FAF1: variants seen among roughly 807,000 people sequenced by gnomAD.
The protein encoded by FAF1 is Fas associated factor 1.
A neutral mutation model predicts 92.5 loss-of-function variants in FAF1; 25 were observed. The observed-to-expected ratio is 0.27, with a 90% CI of 0.20 to 0.38. The LOEUF (loss-of-function observed/expected upper bound fraction) is 0.38, where lower values mean the gene tolerates loss of function less well. Ranked by LOEUF, FAF1 falls within the 10% of genes least tolerant of loss-of-function variation. The pLI, the probability that FAF1 is intolerant of heterozygous loss-of-function variation, is 1.00. For synonymous variants in FAF1, 234 were observed against 273.2 expected (o/e 0.86, Z 1.42); for missense variants, 636 against 793.3 (o/e 0.80, Z 2.38).
intron 2 of FAF1, among the ~76,000 whole-genome samples, chr1:50,832,820 T>C (rs1377570259): frequency 1.3e-5 from 2 of 152,160 alleles, no homozygotes; most frequent in Non-Finnish European, 2.9e-5. Context: ...ATGTCTCTAG[T>C]TATAAAGTTC....
chr1:50,833,266 C>A (rs932206630), intron 2 of FAF1, among the ~76,000 whole-genome samples: 7 of 152,114 alleles, frequency 4.6e-5, no homozygotes, highest in Non-Finnish European at 1.0e-4. Context: ...ACAACCCCCT[C>A]CTGAGGTCTG....
intron 1 of FAF1, among the ~76,000 whole-genome samples, chr1:50,901,553 A>G (rs1022245823): frequency 6.6e-6 from 1 of 151,644 alleles, no homozygotes; most frequent in Non-Finnish European, 1.5e-5. Context: ...TTAAAAATTT[A>G]AAAAGAAAAA....
intron 2 of FAF1, among the ~76,000 whole-genome samples, chr1:50,833,589 C>A (rs945803206): frequency 2.6e-5 from 4 of 152,164 alleles, no homozygotes; most frequent in Admixed American, 2.6e-4. Flanking sequence ...TCTCTATCCC[C>A]TGTCCTCTCC....
chr1:50,914,305 A>C (rs1200751237), intron 1 of FAF1, among the ~76,000 whole-genome samples: 2 of 152,258 alleles, frequency 1.3e-5, no homozygotes, highest in Admixed American at 6.5e-5. Context: ...TACCAAAGGC[A>C]TGTAAATAAG....
chr1:50,954,791 C>T (rs2124766769), intron 1 of FAF1, among the ~76,000 whole-genome samples: 1 of 152,188 alleles, frequency 6.6e-6, no homozygotes, highest in Non-Finnish European at 1.5e-5. Context: ...GATCCGCCTG[C>T]CTCGGCCTCC....
Position 50,797,879 on chromosome 1 carries a change from T to C in FAF1, c.161+3752A>G, listed in dbSNP as rs1661822014. ...AAAAATAACACCGATTTGGAAGCTCTATGTAGAAATCTATTTTAGTTCTAA... is the reference window on the plus strand; with the variant it reads ...AAAAATAACACCGATTTGGAAGCTCCATGTAGAAATCTATTTTAGTTCTAA... On this transcript the variant is annotated intron_variant, in intron 3 of 18. Transcript: ENST00000396153. Among the ~76,000 whole-genome samples the C allele has an allele frequency of 2.6e-5, 4 of 152,156 alleles. No individual in the cohort carries two copies. In the South Asian group the frequency reaches 8.3e-4, roughly 32 times the overall value.
intron 2 of FAF1, chr1:50,846,476 G>A (rs1021399161): frequency 2.1e-5 from 10 of 475,306 alleles, no homozygotes; most frequent in Non-Finnish European, 2.9e-5. Flanking sequence ...GGCATGCCCC[G>A]CTATAAGCTG....
At chr1:50,781,302 A>G (rs533517842) in intron 4 of FAF1, among the ~76,000 whole-genome samples, 4 of 151,460 alleles carry the variant, frequency 2.6e-5, no homozygotes, top group African/African-American at 9.8e-5. Flanking sequence ...TCACTTCAAA[A>G]AGAAAAAAAA....
intron 1 of FAF1, among the ~76,000 whole-genome samples, chr1:50,923,229 G>T (rs1644979571): frequency 6.6e-6 from 1 of 151,994 alleles, no homozygotes; most frequent in African/African-American, 2.4e-5. Context: ...GACCGGCCTG[G>T]GCAATATAGA....
At position 50,554,538 on chromosome 1, in the gene FAF1, C is replaced by T. The variant is rs928999528; in HGVS notation, c.1268+12539G>A. 3.3e-5 allele frequency among the ~76,000 whole-genome samples: 5 copies of T among 151,966 alleles called. No homozygotes were observed. The South Asian group carries it at 1.0e-3, about 32-fold the overall frequency. ...TAAAAAGCCGTACTATAGTCTTGCT[C>T]TTAGCTACTAATATACTTTTAACAG... is the stretch of plus-strand genomic sequence containing the variant. On this transcript the variant is annotated intron_variant, in intron 13 of 18. Coordinates refer to ENST00000396153, the MANE Select transcript of FAF1 (RefSeq NM_007051.3).
chr1:50,949,065 C>A (rs1645193795), intron 1 of FAF1, among the ~76,000 whole-genome samples: 1 of 152,144 alleles, frequency 6.6e-6, no homozygotes, highest in South Asian at 2.1e-4. Context: ...CTTAAGATCA[C>A]AAAATCAAAG....
At chr1:50,881,256 A>T (rs1274964714) in intron 1 of FAF1, among the ~76,000 whole-genome samples, 1 of 152,190 alleles carries the variant, frequency 6.6e-6, no homozygotes, top group Non-Finnish European at 1.5e-5. Context: ...TGTATTTTAG[A>T]AAATTCACTA....
chr1:50,947,528 G>A (rs528195392), intron 1 of FAF1, among the ~76,000 whole-genome samples: 1 of 152,226 alleles, frequency 6.6e-6, no homozygotes, highest in Admixed American at 6.5e-5. Context: ...AATGACTAGT[G>A]ATTTAACATG....
At chr1:50,476,470 A>T (rs1646640617) in intron 17 of FAF1, among the ~76,000 whole-genome samples, 1 of 152,160 alleles carries the variant, frequency 6.6e-6, no homozygotes, top group Non-Finnish European at 1.5e-5. Flanking sequence ...AAACTGTTGG[A>T]AGGTCTCATG....
At chr1:50,874,285 T>A (rs1004815663) in intron 1 of FAF1, among the ~76,000 whole-genome samples, 4 of 152,166 alleles carry the variant, frequency 2.6e-5, no homozygotes, top group African/African-American at 7.2e-5. Flanking sequence ...ACTAATTTCT[T>A]AAACATAAAA....
intron 15 of FAF1, among the ~76,000 whole-genome samples, chr1:50,534,567 C>A (rs1648365855): frequency 6.6e-6 from 1 of 152,112 alleles, no homozygotes; most frequent in Admixed American, 6.6e-5. Flanking sequence ...AGCCCCTGTG[C>A]CCAGCCTCTT....
At chr1:50,934,018 T>G (rs1029719287) in intron 1 of FAF1, among the ~76,000 whole-genome samples, 3 of 152,246 alleles carry the variant, frequency 2.0e-5, no homozygotes, top group Admixed American at 6.5e-5. Context: ...ACAATTCAAG[T>G]TGAGATTTGG....
At chr1:50,761,116 C>T (rs1319000031) in intron 4 of FAF1, among the ~76,000 whole-genome samples, 1 of 152,182 alleles carries the variant, frequency 6.6e-6, no homozygotes, top group Non-Finnish European at 1.5e-5. Flanking sequence ...TCAACACATA[C>T]ACCCTCCCAA....
At chr1:50,957,118 AAAT>A (rs1645272947) in intron 1 of FAF1, among the ~76,000 whole-genome samples, 1 of 152,184 alleles carries the variant, frequency 6.6e-6, no homozygotes, top group South Asian at 2.1e-4. Context: ...CTAAACACAC[AAAT>A]GGCTAATGTG....
Sources: gnomAD v4.1 joint callset for allele counts (sites outside exome capture counted in the v4.1 genomes callset) on GRCh38, gnomAD v4.1.1 for gene constraint, MANE v1.5 for transcripts, NCBI Gene and HGNC (gene_info 2026-07-23, HGNC 2026-07-21) for gene names.